Variants in RFTN2 observed in about 807,000 individuals in gnomAD.
The protein encoded by RFTN2 is raftlin-2.
In RFTN2, 34 loss-of-function variants were observed where a neutral mutation model predicts 52.7. That is an observed-to-expected ratio of 0.64 (90% CI 0.49 to 0.86). RFTN2 has a LOEUF of 0.86. Ranked by LOEUF, RFTN2 falls within the 40% of genes least tolerant of loss-of-function variation. The pLI, the probability that RFTN2 is intolerant of heterozygous loss-of-function variation, is 0.00. For missense variants in RFTN2, 536 were observed against 600.1 expected, an observed-to-expected ratio of 0.89 and a Z score of 1.12; for synonymous variants, 203 against 217.7, an observed-to-expected ratio of 0.93 and a Z score of 0.59.
At chr2:197,599,218 C>T (rs1311057301) in intron 7 of RFTN2, among the ~76,000 whole-genome samples, 2 of 152,116 alleles carry the variant, frequency 1.3e-5, no homozygotes, top group African/African-American at 2.4e-5. Flanking sequence ...GGATTACAAG[C>T]GTGAGCCACC....
At chr2:197,575,794 A>ATATATATTTTATATACATAATATATATTC (rs1488519844) in intron 8 of RFTN2, among the ~76,000 whole-genome samples, 22,431 of 131,042 alleles carry the variant, frequency 0.17, 2,080 homozygotes, top group Middle Eastern at 0.25. Flanking sequence ...ATAATATATT[A>ATATATATTTTATATACATAATATATATTC]TATATATTTT....
chr2:197,596,243 A>G (rs147847133), intron 7 of RFTN2, among the ~76,000 whole-genome samples, 174 bp from the exon 8 acceptor site: 1 of 152,342 alleles, frequency 6.6e-6, no homozygotes, highest in African/African-American at 2.4e-5. Flanking sequence ...ATATAATTCT[A>G]TAAAAACCAC....
At position 197,615,885 on chromosome 2, in the gene RFTN2, C is replaced by G. The variant is rs542147954; in HGVS notation, c.1145G>C (p.Arg382Thr). The change falls in exon 7 of 9, where the codon AGA becomes ACA. Residue 382 changes from arginine to threonine, a missense_variant. Arg to Thr is a moderately conservative substitution (Grantham distance 71, BLOSUM62 -1). Coordinates refer to ENST00000295049, the MANE Select transcript of RFTN2 (RefSeq NM_144629.3). ...GATACTTTTGCCTTACCTGTCATGT[C>G]TCAATACAGGTGTGGGCAACACGCT... Reference protein sequence around the residue: ...LTSVLPTPVLRHDSEGNLATK... With the variant: ...LTSVLPTPVLTHDSEGNLATK... The G allele has an allele frequency of 2.6e-5, 40 of 1,537,522 alleles. 1 individual carries two copies. The East Asian group carries it at 9.2e-4, about 35-fold the overall frequency.
At chr2:197,606,718 C>T (rs1208137359) in intron 7 of RFTN2, among the ~76,000 whole-genome samples, 5 of 151,554 alleles carry the variant, frequency 3.3e-5, no homozygotes, top group Middle Eastern at 3.4e-3. Context: ...AGCCAAAAAA[C>T]ACATGAAAAA....
chr2:197,620,444 G>A lies in RFTN2; in HGVS notation c.929-2523C>T, dbSNP rs561197231. The stretch of plus-strand genomic sequence containing the variant: ...TTGTGTAGCACAATGTCACATTAAA[G>A]TTTCCCTGGTTGACAGCTCTCTAAA... On this transcript the variant is annotated intron_variant, in intron 5 of 8. Transcript: ENST00000295049. 9.1e-4 allele frequency among the ~76,000 whole-genome samples: 138 copies of A among 152,258 alleles called. 1 individual carries two copies. The highest frequency in any genetic ancestry group is 3.2e-3 in the African/African-American group (131 of 41,522).
At chr2:197,671,866 C>T (rs2089152147) in intron 1 of RFTN2, among the ~76,000 whole-genome samples, 1 of 152,118 alleles carries the variant, frequency 6.6e-6, no homozygotes, top group Non-Finnish European at 1.5e-5. Context: ...TGTAAAAATT[C>T]TTAAGGCTAC....
At position 197,663,984 on chromosome 2, in the gene RFTN2, T is replaced by C. The variant is rs190239341; in HGVS notation, c.139+11336A>G. On this transcript the variant is annotated intron_variant, in intron 1 of 8. Transcript: ENST00000295049. ...TTGTTGTATCCCACAGTTTTTGATATGTTATATTTTCATCTTCATTAATAT... is the reference window on the plus strand; with the variant it reads ...TTGTTGTATCCCACAGTTTTTGATACGTTATATTTTCATCTTCATTAATAT... Among the ~76,000 whole-genome samples, 25 of 152,314 alleles carry C rather than the reference T, an allele frequency of 1.6e-4. No homozygotes were observed. In the East Asian group the frequency reaches 4.8e-3, roughly 29 times the overall value.
chr2:197,672,358 T>G (rs887789023), intron 1 of RFTN2, among the ~76,000 whole-genome samples: 2 of 152,200 alleles, frequency 1.3e-5, no homozygotes, highest in African/African-American at 4.8e-5. Context: ...CTAATAATTT[T>G]ATGGCCAGAA....
At chr2:197,616,731 C>A (rs758461368) in intron 6 of RFTN2, among the ~76,000 whole-genome samples, 1 of 152,072 alleles carries the variant, frequency 6.6e-6, no homozygotes, top group Admixed American at 6.5e-5. Flanking sequence ...AGATGAGAGG[C>A]GCTTGGGTGT....
chr2:197,591,792 C>A (rs2087718759), intron 8 of RFTN2, among the ~76,000 whole-genome samples: 1 of 152,202 alleles, frequency 6.6e-6, no homozygotes, highest in Admixed American at 6.5e-5. Context: ...TCCATAGCTG[C>A]TGGCCTGGGT....
intron 5 of RFTN2, 126 bp from the exon 6 acceptor site, chr2:197,618,047 GC>G: frequency 1.7e-6 from 1 of 581,576 alleles, no homozygotes. Flanking sequence ...AACATTTGTT[GC>G]CCCCTCCCCC....
intron 7 of RFTN2, among the ~76,000 whole-genome samples, chr2:197,597,102 T>A (rs1275522760): frequency 6.6e-6 from 1 of 152,188 alleles, no homozygotes; most frequent in African/African-American, 2.4e-5. Context: ...AACTCTGGCT[T>A]TAGAGTTATA....
chr2:197,585,562 C>T (rs2087583155), intron 8 of RFTN2, among the ~76,000 whole-genome samples: 1 of 152,132 alleles, frequency 6.6e-6, no homozygotes, highest in Admixed American at 6.5e-5. Context: ...CTTATGCCAC[C>T]CTCTACCTCT....
At chr2:197,635,338 T>C (rs2088548057) in intron 3 of RFTN2, among the ~76,000 whole-genome samples, 2 of 152,184 alleles carry the variant, frequency 1.3e-5, no homozygotes, top group South Asian at 4.1e-4. Flanking sequence ...GTTGAACTAG[T>C]TTACAGTCCC....
intron 7 of RFTN2, among the ~76,000 whole-genome samples, chr2:197,608,268 A>T (rs1051476996): frequency 1.3e-5 from 2 of 151,422 alleles, no homozygotes; most frequent in Non-Finnish European, 2.9e-5. Flanking sequence ...CAGTGAGAAG[A>T]CCAATTTCTC....
chr2:197,583,079 G>T (rs1416204030), intron 8 of RFTN2, among the ~76,000 whole-genome samples: 1 of 152,096 alleles, frequency 6.6e-6, no homozygotes, highest in Non-Finnish European at 1.5e-5. Flanking sequence ...CCTTTTCCAT[G>T]TAGGTTACAA....
intron 1 of RFTN2, among the ~76,000 whole-genome samples, chr2:197,665,891 G>T (rs1343939081): frequency 2.0e-5 from 3 of 152,066 alleles, no homozygotes; most frequent in Non-Finnish European, 4.4e-5. Flanking sequence ...CTGTAGTGGT[G>T]CTATTTGAGT....
At chr2:197,639,566 C>T (rs1483414893) in intron 3 of RFTN2, among the ~76,000 whole-genome samples, 1 of 132,580 alleles carries the variant, frequency 7.5e-6, no homozygotes, top group African/African-American at 2.9e-5. Context: ...TCACGTAGTT[C>T]TCGAGCCTTG....
intron 3 of RFTN2, among the ~76,000 whole-genome samples, chr2:197,642,431 C>T (rs1306777851): frequency 3.9e-5 from 6 of 152,186 alleles, no homozygotes; most frequent in Non-Finnish European, 8.8e-5. Flanking sequence ...ACATATACAA[C>T]ATTTAACTTT....
Sources: gnomAD v4.1 joint callset for allele counts (sites outside exome capture counted in the v4.1 genomes callset) on GRCh38, gnomAD v4.1.1 for gene constraint, MANE v1.5 for transcripts, NCBI Gene and HGNC (gene_info 2026-07-23, HGNC 2026-07-21) for gene names.